Variants in CLSTN2 observed in about 807,000 individuals in gnomAD.
CLSTN2 encodes the protein calsyntenin 2, also known as calsyntenin-2.
Under a neutral mutation model 101.2 loss-of-function variants are expected in CLSTN2, and 48 were observed. The ratio of observed to expected loss-of-function variants is 0.47; its 90% confidence interval spans 0.38 to 0.60. The LOEUF (loss-of-function observed/expected upper bound fraction) is 0.60. CLSTN2 is among the 20% of genes least tolerant of loss of function. The pLI, the probability that CLSTN2 is intolerant of heterozygous loss-of-function variation, is 0.00. For missense variants in CLSTN2, 1,160 were observed against 1,238.2 expected (o/e 0.94, Z 0.95); for synonymous variants, 481 against 463.6 (o/e 1.04, Z -0.48).
intron 1 of CLSTN2, among the ~76,000 whole-genome samples, chr3:139,937,268 G>A (rs1935039671): frequency 6.6e-6 from 1 of 152,062 alleles, no homozygotes; most frequent in African/African-American, 2.4e-5. Flanking sequence ...AATAATGCAC[G>A]GCTGAGTTCT....
chr3:140,135,103 CACACACACACACACAT>C (rs1198798544), intron 1 of CLSTN2, among the ~76,000 whole-genome samples: 3 of 49,340 alleles, frequency 6.1e-5, no homozygotes, highest in African/African-American at 3.3e-4. Flanking sequence ...CACACACACA[CACACACACACACACAT>C]ATATATATAT....
At chr3:140,125,555 G>A (rs578196456) in intron 1 of CLSTN2, among the ~76,000 whole-genome samples, 63 of 152,148 alleles carry the variant, frequency 4.1e-4, no homozygotes, top group Admixed American at 5.9e-4. Context: ...GAAGGTATCA[G>A]CTGAGAGGAG....
chr3:140,342,436 T>C (rs2107936942), intron 2 of CLSTN2, among the ~76,000 whole-genome samples: 1 of 152,164 alleles, frequency 6.6e-6, no homozygotes, highest in South Asian at 2.1e-4. Context: ...ACTTCTTTCA[T>C]ATGCTTTTGT....
intron 4 of CLSTN2, among the ~76,000 whole-genome samples, chr3:140,415,395 AG>A (rs1349322012): frequency 2.7e-5 from 4 of 149,630 alleles, no homozygotes; most frequent in Non-Finnish European, 5.9e-5. Flanking sequence ...CAAAATGCAG[AG>A]GCAACCTACA....
At chr3:140,400,745 C>T (rs571188489) in intron 2 of CLSTN2, among the ~76,000 whole-genome samples, 2 of 152,120 alleles carry the variant, frequency 1.3e-5, no homozygotes, top group East Asian at 1.9e-4. Context: ...AAACCAAGCT[C>T]AGGATGCTTC....
chr3:140,183,167 A>G (rs1227340728), intron 2 of CLSTN2, among the ~76,000 whole-genome samples: 15 of 152,182 alleles, frequency 9.9e-5, no homozygotes, highest in Admixed American at 9.8e-4. Context: ...GGATTTTCTT[A>G]ATAAGAAGAC....
At chr3:140,076,004 T>C (rs552250688) in intron 1 of CLSTN2, among the ~76,000 whole-genome samples, 19 of 152,310 alleles carry the variant, frequency 1.2e-4, no homozygotes, top group Admixed American at 7.8e-4. Flanking sequence ...TTGTTAACTA[T>C]AGACCCACTG....
intron 2 of CLSTN2, among the ~76,000 whole-genome samples, chr3:140,190,129 T>G (rs2010538953): frequency 6.6e-6 from 1 of 151,990 alleles, no homozygotes; most frequent in Non-Finnish European, 1.5e-5. Context: ...CTTAATGACC[T>G]CCCAAAGGCC....
intron 2 of CLSTN2, among the ~76,000 whole-genome samples, chr3:140,218,586 A>C (rs2086229920): frequency 2.0e-5 from 3 of 152,198 alleles, no homozygotes; most frequent in Admixed American, 2.0e-4. Flanking sequence ...ATACATTAAA[A>C]AAAACCTTCC....
At chr3:140,481,856 G>A (rs142870138) in intron 8 of CLSTN2, among the ~76,000 whole-genome samples, 9,873 of 152,268 alleles carry the variant, frequency 0.065, 368 homozygotes, top group Non-Finnish European at 0.093. Flanking sequence ...GGGCTGAGAC[G>A]ATGGGGTTTT....
chr3:140,372,708 C>T (rs919299604), intron 2 of CLSTN2, among the ~76,000 whole-genome samples: 2 of 152,146 alleles, frequency 1.3e-5, no homozygotes, highest in African/African-American at 4.8e-5. Flanking sequence ...AAGCACTAGT[C>T]CCATGTAATG....
chr3:139,942,615 C>T (rs1389003771), intron 1 of CLSTN2, among the ~76,000 whole-genome samples: 2 of 152,124 alleles, frequency 1.3e-5, no homozygotes, highest in East Asian at 1.9e-4. Flanking sequence ...GACTGTTGAT[C>T]GGGCTGCCTT....
At chr3:139,986,769 G>T (rs1040127547) in intron 1 of CLSTN2, among the ~76,000 whole-genome samples, 1 of 152,138 alleles carries the variant, frequency 6.6e-6, no homozygotes, top group African/African-American at 2.4e-5. Context: ...TAAGGACAGG[G>T]ATGTCTCTCA....
At chr3:140,119,794 C>T (rs2350499) in intron 1 of CLSTN2, among the ~76,000 whole-genome samples, 107,484 of 152,050 alleles carry the variant, frequency 0.71, 38,107 homozygotes, top group East Asian at 0.81. Context: ...AACCACTGTG[C>T]CTGGTCAGCA....
intron 2 of CLSTN2, among the ~76,000 whole-genome samples, chr3:140,257,164 G>A (rs1237566618): frequency 6.6e-6 from 1 of 152,180 alleles, no homozygotes; most frequent in Non-Finnish European, 1.5e-5. Context: ...AAGCAAATAT[G>A]CTTTATGCTA....
Position 140,198,533 on chromosome 3 carries a change from C to A in CLSTN2, c.232+22460C>A, listed in dbSNP as rs149465150. ...TCTTTATTGTCCTAGGGTAAGGTCCCGGCTTTGTTGCTGGCTGTCAGCTGG... is the reference window on the plus strand; with the variant it reads ...TCTTTATTGTCCTAGGGTAAGGTCCAGGCTTTGTTGCTGGCTGTCAGCTGG... On this transcript the variant is annotated intron_variant, in intron 2 of 16. Transcript: ENST00000458420. Among the ~76,000 whole-genome samples, 84 of 152,220 alleles carry A rather than the reference C, an allele frequency of 5.5e-4. 1 individual carries two copies. The East Asian group carries it at 0.014, about 26-fold the overall frequency.
intron 1 of CLSTN2, among the ~76,000 whole-genome samples, chr3:139,960,147 C>G (rs1458353099): frequency 6.6e-6 from 1 of 152,146 alleles, no homozygotes; most frequent in African/African-American, 2.4e-5. Context: ...GTAGCATTTG[C>G]CAATTTCTTT....
intron 2 of CLSTN2, among the ~76,000 whole-genome samples, chr3:140,306,852 TTATTATTATTATTATTA>T (rs2087118797): frequency 1.9e-5 from 1 of 52,512 alleles, no homozygotes; most frequent in African/African-American, 6.8e-5. Context: ...TGTCTTTTTA[TTATTATTATTATTATTA>T]TTATTATTAT....
At chr3:140,300,132 C>T (rs544549307) in intron 2 of CLSTN2, among the ~76,000 whole-genome samples, 1 of 152,264 alleles carries the variant, frequency 6.6e-6, no homozygotes, top group East Asian at 1.9e-4. Context: ...AGGATTTGCT[C>T]TTTAATTATC....
Sources: gnomAD v4.1 joint callset for allele counts (sites outside exome capture counted in the v4.1 genomes callset) on GRCh38, gnomAD v4.1.1 for gene constraint, MANE v1.5 for transcripts, NCBI Gene and HGNC (gene_info 2026-07-23, HGNC 2026-07-21) for gene names.